MET: variants seen among roughly 807,000 people sequenced by gnomAD.
The protein encoded by MET is MET proto-oncogene, receptor tyrosine kinase.
A neutral mutation model predicts 133.1 loss-of-function variants in MET; 48 were observed. The observed-to-expected ratio is 0.36, with a 90% CI of 0.29 to 0.46. The LOEUF is 0.46. Ranked by LOEUF, MET falls within the 20% of genes least tolerant of loss-of-function variation. MET has a pLI of 1.00. For synonymous variants in MET, 628 were observed against 616.5 expected, an observed-to-expected ratio of 1.02 and a Z score of -0.28; for missense variants, 1,442 against 1,695.9, an observed-to-expected ratio of 0.85 and a Z score of 2.63.
intron 3 of MET, among the ~76,000 whole-genome samples, chr7:116,732,618 A>C (rs1255233104): frequency 6.6e-6 from 1 of 152,166 alleles, no homozygotes; most frequent in Admixed American, 6.5e-5. Flanking sequence ...GCATCTATGG[A>C]AATCTTGAAC....
chr7:116,684,913 C>A (rs1308293195), intron 1 of MET, among the ~76,000 whole-genome samples: 1 of 152,110 alleles, frequency 6.6e-6, no homozygotes, highest in Non-Finnish European at 1.5e-5. Context: ...AGAGGGAAGA[C>A]CAGCGAGGAA....
intron 2 of MET, among the ~76,000 whole-genome samples, chr7:116,728,163 A>T (rs547320299): frequency 1.2e-4 from 18 of 152,336 alleles, no homozygotes; most frequent in African/African-American, 4.3e-4. Context: ...AAAAGGTTAG[A>T]GTCTCCTGGC....
At chr7:116,792,665 G>A (rs1347317504) in intron 19 of MET, among the ~76,000 whole-genome samples, 1 of 151,866 alleles carries the variant, frequency 6.6e-6, no homozygotes, top group Non-Finnish European at 1.5e-5. Context: ...TCCCTGTCCC[G>A]TGAGTCCTCC....
At chr7:116,762,156 T>A (rs914583629) in intron 10 of MET, among the ~76,000 whole-genome samples, 7 of 152,138 alleles carry the variant, frequency 4.6e-5, no homozygotes, top group Non-Finnish European at 1.0e-4. Context: ...TGAAAGGGCA[T>A]GAAATAATAA....
chr7:116,684,125 C>T (rs539668979), intron 1 of MET, among the ~76,000 whole-genome samples: 2 of 152,344 alleles, frequency 1.3e-5, no homozygotes, highest in Admixed American at 6.5e-5. Context: ...AGTCTCCTCT[C>T]CCTATTTTCC....
chr7:116,757,010 C>T (rs944132411), intron 6 of MET, among the ~76,000 whole-genome samples: 2 of 152,044 alleles, frequency 1.3e-5, no homozygotes, highest in African/African-American at 4.8e-5. Context: ...AGGAGGATCA[C>T]CTGAGCCCAG....
intron 2 of MET, among the ~76,000 whole-genome samples, chr7:116,716,291 GAGAGAGA>G (rs1562892906): frequency 8.2e-5 from 5 of 60,886 alleles, no homozygotes; most frequent in African/African-American, 4.0e-4. Flanking sequence ...GAGGGAGAGA[GAGAGAGA>G]GAGAGAGAGA....
At chr7:116,729,593 C>T (rs1792918184) in intron 2 of MET, among the ~76,000 whole-genome samples, 1 of 152,090 alleles carries the variant, frequency 6.6e-6, no homozygotes, top group Non-Finnish European at 1.5e-5. Flanking sequence ...TAATCATTTT[C>T]CTACACTTAT....
chr7:116,757,411 T>G (rs762175278), intron 6 of MET, 26 bp from the exon 7 acceptor site: 22 of 1,581,344 alleles, frequency 1.4e-5, no homozygotes, highest in African/African-American at 2.7e-5. Flanking sequence ...ATTTGTCATG[T>G]ATTAAACTTT....
In MET at chr7:116,771,480, T is replaced by C. The variant is rs1794829007; in HGVS notation, c.2731-18T>C. ...TATCATGGCTAAATGCTGACTTTTC[T>C]TTATTTGTCATTTTTAGTGGAAGCA... On this transcript the variant is annotated intron_variant, in intron 12 of 20. Transcript: ENST00000397752. The C allele has an allele frequency of 6.2e-7, 1 of 1,613,590 alleles. No individual in the cohort carries two copies.
chr7:116,703,370 A>C (rs934244345), intron 2 of MET, among the ~76,000 whole-genome samples: 1 of 152,070 alleles, frequency 6.6e-6, no homozygotes, highest in African/African-American at 2.4e-5. Flanking sequence ...TAATATCTTT[A>C]CCTCCTCCTT....
intron 19 of MET, among the ~76,000 whole-genome samples, chr7:116,794,908 A>C (rs1795623537): frequency 6.6e-6 from 1 of 152,242 alleles, no homozygotes; most frequent in Non-Finnish European, 1.5e-5. Flanking sequence ...GAAGTTCAGT[A>C]GACCAAACAA....
intron 18 of MET, 64 bp from the exon 19 acceptor site, chr7:116,783,240 T>A (rs2117064425): frequency 6.3e-7 from 1 of 1,585,654 alleles, no homozygotes; most frequent in Non-Finnish European, 8.7e-7. Context: ...AATCTGTAGA[T>A]ATTCAGCATC....
chr7:116,724,330 C>T (rs1394311352), intron 2 of MET: 11 of 183,574 alleles, frequency 6.0e-5, no homozygotes, highest in East Asian at 2.9e-4. Flanking sequence ...CTTCGGCTCG[C>T]GCACGGTGCA....
chr7:116,730,957 A>G (rs79326908), intron 2 of MET, among the ~76,000 whole-genome samples: 6,099 of 152,290 alleles, frequency 0.04, 175 homozygotes, highest in East Asian at 0.12. Context: ...TAAAAGAAAT[A>G]TAACACTCAT....
At chr7:116,677,116 C>T (rs1796189767) in intron 1 of MET, among the ~76,000 whole-genome samples, 1 of 151,996 alleles carries the variant, frequency 6.6e-6, no homozygotes, top group Admixed American at 6.6e-5. Context: ...ATTTTCCACA[C>T]TGTGAGCCTG....
intron 15 of MET, 47 bp downstream of exon 15, chr7:116,775,158 G>C (rs772700988): frequency 1.9e-6 from 3 of 1,581,540 alleles, no homozygotes; most frequent in Non-Finnish European, 2.6e-6. Flanking sequence ...TTTCCAGTAA[G>C]CATTTTATCT....
chr7:116,723,950 T>C (rs993960848), intron 2 of MET, among the ~76,000 whole-genome samples: 1 of 152,262 alleles, frequency 6.6e-6, no homozygotes, highest in African/African-American at 2.4e-5. Flanking sequence ...GTCTGTGCCC[T>C]GCCCCGAGAG....
At position 116,691,477 on chromosome 7, in the gene MET, G is replaced by A. The variant is rs1460864330; in HGVS notation, c.-14-7594G>A. On this transcript the variant is annotated intron_variant, in intron 1 of 20. Coordinates refer to ENST00000397752, the MANE Select transcript of MET (RefSeq NM_000245.4). ...TGTCTACTGGACATTGTTAGCTCAG[G>A]ACCTTTTCAGGAGCAAGGAATGAAA... Among the ~76,000 whole-genome samples, 3 of 152,080 alleles carry A rather than the reference G, an allele frequency of 2.0e-5. No homozygotes were observed. The East Asian group carries it at 5.8e-4, about 29-fold the overall frequency.
Sources: allele counts gnomAD v4.1 joint callset (sites outside exome capture counted in the v4.1 genomes callset), GRCh38; gene constraint gnomAD v4.1.1; transcripts MANE v1.5; gene names NCBI Gene and HGNC (gene_info 2026-07-23, HGNC 2026-07-21).